YEATS2: variants seen among roughly 807,000 people sequenced by gnomAD.
The protein encoded by YEATS2 is YEATS domain containing 2.
YEATS2 carries 77 observed loss-of-function variants against 163.2 expected under a neutral mutation model. The observed-to-expected ratio is 0.47, with a 90% confidence interval of 0.39 to 0.57. The LOEUF (loss-of-function observed/expected upper bound fraction) is 0.57, where lower values mean the gene tolerates loss of function less well. Ranked by LOEUF, YEATS2 falls within the 20% of genes least tolerant of loss-of-function variation. The pLI, the probability that YEATS2 is intolerant of heterozygous loss-of-function variation, is 0.00. For missense variants in YEATS2, 1,549 were observed against 1,729.8 expected, an observed-to-expected ratio of 0.90 and a Z score of 1.85; for synonymous variants, 631 against 645.1, an observed-to-expected ratio of 0.98 and a Z score of 0.33.
At chr3:183,803,883 T>A in intron 26 of YEATS2, 104 bp from the exon 27 acceptor site, 3 of 1,251,116 alleles carry the variant, frequency 2.4e-6, no homozygotes, top group South Asian at 1.6e-5. Context: ...AAAAAAAAAA[T>A]TCTAACAGGT....
chr3:183,718,953 C>G (rs1716206005), intron 4 of YEATS2, among the ~76,000 whole-genome samples: 2 of 152,108 alleles, frequency 1.3e-5, no homozygotes, highest in African/African-American at 2.4e-5. Flanking sequence ...CCTTGGCCTC[C>G]CCAAGTGCTG....
chr3:183,774,830 T>A (rs997968474), intron 17 of YEATS2, among the ~76,000 whole-genome samples: 2 of 152,186 alleles, frequency 1.3e-5, no homozygotes, highest in African/African-American at 2.4e-5. Flanking sequence ...TCACTTGGTG[T>A]TTTTTCCTCA....
intron 8 of YEATS2, among the ~76,000 whole-genome samples, chr3:183,743,341 GT>G (rs1254748498): frequency 6.6e-6 from 1 of 151,942 alleles, no homozygotes; most frequent in Non-Finnish European, 1.5e-5. Context: ...ATAAATAAAC[GT>G]TTATTTTTTA....
At chr3:183,726,077 CAG>C (rs1477965746) in intron 6 of YEATS2, among the ~76,000 whole-genome samples, 3 of 151,830 alleles carry the variant, frequency 2.0e-5, no homozygotes, top group Non-Finnish European at 4.4e-5. Flanking sequence ...GAGGAGGCCT[CAG>C]GGAATGTTTT....
In YEATS2 at chr3:183,807,035, C is replaced by G. The variant is rs1726282604; in HGVS notation, c.3954C>G (p.Val1318=). ...KKEQEEKQEE[V]KFYLPPTPGS... is the part of the protein sequence containing the mutation. ...AGCAGGAAGAGAAACAAGAGGAAGT[C>G]AAGTTCTACCTGCCACCAACCCCAG... is the stretch of plus-strand genomic sequence containing the variant. Residue 1318 remains valine (V), a synonymous_variant, in exon 28 of 31, where the codon GTC becomes GTG. Coordinates refer to ENST00000305135, the MANE Select transcript of YEATS2 (RefSeq NM_018023.5). 1.2e-6 allele frequency: 2 copies of G among 1,613,984 alleles called. No individual in the cohort carries two copies.
intron 15 of YEATS2, among the ~76,000 whole-genome samples, chr3:183,771,665 G>T (rs1319908539): frequency 7.1e-6 from 1 of 140,102 alleles, no homozygotes; most frequent in Non-Finnish European, 1.5e-5. Context: ...ATCCTCCCCT[G>T]CCTCAGCCTC....
At chr3:183,803,492 C>A in intron 26 of YEATS2, 157 bp downstream of exon 26, 1 of 723,488 alleles carries the variant, frequency 1.4e-6, no homozygotes, top group Non-Finnish European at 2.3e-6. Flanking sequence ...ATCCAGCTGA[C>A]TTTCAGGCGT....
chr3:183,735,851 T>C (rs1718284336), intron 7 of YEATS2, among the ~76,000 whole-genome samples: 1 of 152,198 alleles, frequency 6.6e-6, no homozygotes, highest in Admixed American at 6.5e-5. Context: ...CCAGCCTCCT[T>C]GTAATTTTGA....
chr3:183,707,403 A>G (rs1714721241), intron 1 of YEATS2, among the ~76,000 whole-genome samples: 1 of 152,160 alleles, frequency 6.6e-6, no homozygotes, highest in Admixed American at 6.6e-5. Context: ...TCAAGAGTTC[A>G]TTGAGTATAC....
At position 183,722,024 on chromosome 3, in the gene YEATS2, C is replaced by T. The variant is rs768032556; in HGVS notation, c.425C>T (p.Ser142Phe). ...TPSANHSESD[S>F]LSQHNDFLSD... ...TCAGCCAATCATTCAGAAAGTGATT[C>T]TTTATCTCAGCACAATGACTTCTTA... Residue 142 changes from serine to phenylalanine, a missense_variant, in exon 5 of 31, where the codon TCT becomes TTT. By Grantham distance (155) the Ser-to-Phe change is radical. Transcript: ENST00000305135. The T allele has an allele frequency of 6.2e-7, 1 of 1,614,100 alleles. No homozygotes were observed. The highest frequency in any genetic ancestry group is 2.2e-5 in the East Asian group (1 of 44,868).
At chr3:183,734,359 T>C (rs570443493) in intron 7 of YEATS2, among the ~76,000 whole-genome samples, 1 of 152,294 alleles carries the variant, frequency 6.6e-6, no homozygotes, top group South Asian at 2.1e-4. Context: ...CTGTGTGACC[T>C]TGGCAAGTTA....
chr3:183,777,766 G>A, intron 19 of YEATS2, 66 bp downstream of exon 19: 1 of 1,532,044 alleles, frequency 6.5e-7, no homozygotes, highest in East Asian at 2.3e-5. Context: ...ATATTTACAT[G>A]TAGTTTCTCT....
At chr3:183,750,571 G>A (rs774179291) in intron 9 of YEATS2, among the ~76,000 whole-genome samples, 8 of 152,056 alleles carry the variant, frequency 5.3e-5, no homozygotes, top group South Asian at 2.1e-4. Context: ...GTTTCTCCAC[G>A]TCTTCACCAG....
intron 1 of YEATS2, among the ~76,000 whole-genome samples, chr3:183,702,850 ATGGT>A (rs1334857219): frequency 9.3e-5 from 14 of 150,752 alleles, no homozygotes; most frequent in African/African-American, 3.4e-4. Flanking sequence ...AAAAAAGGGA[ATGGT>A]AAAAGTTACC....
At chr3:183,723,167 T>G (rs781141872) in intron 5 of YEATS2, among the ~76,000 whole-genome samples, 1 of 152,258 alleles carries the variant, frequency 6.6e-6, no homozygotes, top group African/African-American at 2.4e-5. Context: ...TTTAGTACTT[T>G]AGTAGATGGA....
chr3:183,780,413 C>G (rs890787562), intron 19 of YEATS2, among the ~76,000 whole-genome samples: 3 of 152,236 alleles, frequency 2.0e-5, no homozygotes, highest in African/African-American at 7.2e-5. Flanking sequence ...ATTCTCCTGG[C>G]GTGTCCCACG....
chr3:183,744,382 G>A lies in YEATS2; in HGVS notation c.925-3290G>A, dbSNP rs982467295. Among the ~76,000 whole-genome samples the A allele has an allele frequency of 1.7e-4, 26 of 152,148 alleles. No homozygotes were observed. In the East Asian group the frequency reaches 5.0e-3, roughly 29 times the overall value. ...TCCACCCACCTTGGCCTCCCAAAGT[G>A]CTGGGATTACAGGCGTGAGCCACTG... On this transcript the variant is annotated intron_variant, in intron 8 of 30. Transcript: ENST00000305135.
In YEATS2 at chr3:183,790,914, A is replaced by G; in HGVS notation, c.3031A>G (p.Thr1011Ala). The change falls in exon 21 of 31, where the codon ACC becomes GCC. Residue 1011 changes from threonine (T) to alanine (A), a missense_variant. Coordinates refer to ENST00000305135, the MANE Select transcript of YEATS2 (RefSeq NM_018023.5). ...GGGAACCTGCAAGGCTGCCACCCCC[A>G]CCGTCGTCAGCGCCACGTCCCTCGT... ...TVGTCKAATP[T>A]VVSATSLVPT... The G allele has an allele frequency of 2.5e-6, 4 of 1,614,064 alleles. No homozygotes were observed. The highest frequency in any genetic ancestry group is 3.4e-6 in the Non-Finnish European group (4 of 1,180,008).
At chr3:183,771,994 TG>T (rs1262540399) in intron 15 of YEATS2, among the ~76,000 whole-genome samples, 1 of 152,168 alleles carries the variant, frequency 6.6e-6, no homozygotes, top group African/African-American at 2.4e-5. Context: ...CCCAAAGTGC[TG>T]GGATTACAGG....
Sources: allele counts gnomAD v4.1 joint callset (sites outside exome capture counted in the v4.1 genomes callset), GRCh38; gene constraint gnomAD v4.1.1; transcripts MANE v1.5; gene names NCBI Gene and HGNC (gene_info 2026-07-23, HGNC 2026-07-21).